ASMTL: variants seen among roughly 807,000 people sequenced by gnomAD.
ASMTL encodes the protein probable bifunctional dTTP/UTP pyrophosphatase/methyltransferase protein.
ASMTL carries 57 observed loss-of-function variants against 60.3 expected under a neutral mutation model. The ratio of observed to expected loss-of-function variants is 0.95; its 90% confidence interval spans 0.76 to 1.18. The LOEUF (loss-of-function observed/expected upper bound fraction) is 1.18. Among genes scored for constraint, ASMTL ranks in the 50% most tolerant of loss-of-function variants. The pLI, the probability that ASMTL is intolerant of heterozygous loss-of-function variation, is 0.00. For missense variants in ASMTL, 981 were observed against 852.6 expected (o/e 1.15, Z -1.88); for synonymous variants, 419 against 373.0 (o/e 1.12, Z -1.42).
intron 5 of ASMTL, among the ~76,000 whole-genome samples, chrX:1,433,437 G>A (rs1416957736): frequency 4.0e-5 from 6 of 150,722 alleles, no homozygotes; most frequent in East Asian, 3.9e-4. Context: ...AGGCCGAGGC[G>A]GGCGGATCAC....
In ASMTL at chrX:1,417,970, C is replaced by T. The variant is rs182970526; in HGVS notation, c.1522+3G>A. The T allele has an allele frequency of 1.2e-3, 1,907 of 1,605,452 alleles. 18 individuals carry two copies. The African/African-American group carries it at 0.022, about 19-fold the overall frequency. On this transcript the variant is annotated splice_donor_region_variant and intron_variant, in intron 11 of 12. Coordinates refer to ENST00000381317, the MANE Select transcript of ASMTL (RefSeq NM_004192.4). ...TAGCAGGGTGAACAGGAGGAGGGCT[C>T]ACCTGCTGCGAAGTGGATCTGCACT...
intron 10 of ASMTL, 60 bp downstream of exon 10, chrX:1,418,922 G>T: frequency 1.2e-6 from 2 of 1,605,798 alleles, no homozygotes; most frequent in Admixed American, 3.3e-5. Context: ...CCTGAGCAGG[G>T]AAGATACCTG....
At chrX:1,452,486 C>G (rs1408221587) in intron 1 of ASMTL, among the ~76,000 whole-genome samples, 1 of 151,110 alleles carries the variant, frequency 6.6e-6, no homozygotes, top group African/African-American at 2.4e-5. Flanking sequence ...ATCCCCTCCC[C>G]CATCCCTATG....
At chrX:1,411,402 G>C (rs1221589731) in intron 12 of ASMTL, among the ~76,000 whole-genome samples, 1 of 152,170 alleles carries the variant, frequency 6.6e-6, no homozygotes, top group African/African-American at 2.4e-5. Flanking sequence ...GGGAGGCTGA[G>C]TGCCCGTCAG....
chrX:1,417,012 C>G (rs1354031320), intron 11 of ASMTL, among the ~76,000 whole-genome samples: 1 of 93,978 alleles, frequency 1.1e-5, no homozygotes, highest in African/African-American at 3.4e-5. Flanking sequence ...CACACACAGA[C>G]TCAGAAACAC....
At chrX:1,408,055 A>G (rs776317752) in intron 12 of ASMTL, among the ~76,000 whole-genome samples, 1 of 151,500 alleles carries the variant, frequency 6.6e-6, no homozygotes, top group East Asian at 2.0e-4. Flanking sequence ...AAAAACCCTA[A>G]CAGGGCATGA....
chrX:1,417,425 CACAG>C (rs1388627281), intron 11 of ASMTL, among the ~76,000 whole-genome samples: 2 of 151,584 alleles, frequency 1.3e-5, no homozygotes, highest in Non-Finnish European at 2.9e-5. Flanking sequence ...CAGTCTCATG[CACAG>C]ACACACACAC....
chrX:1,411,310 G>A (rs1445529556), intron 12 of ASMTL, among the ~76,000 whole-genome samples: 1 of 152,204 alleles, frequency 6.6e-6, no homozygotes, highest in African/African-American at 2.4e-5. Context: ...CAGGTGCCAG[G>A]CCCTGGCTCT....
chrX:1,441,874 A>G, intron 2 of ASMTL: 1 of 341,134 alleles, frequency 2.9e-6, no homozygotes, highest in South Asian at 5.4e-5. Flanking sequence ...TACTGTATCA[A>G]TTGCGAGAAA....
In ASMTL at chrX:1,439,084, T is replaced by A. The variant is rs2091044349; in HGVS notation, c.273+13A>T. 1 of 1,613,786 alleles carries A rather than the reference T, an allele frequency of 6.2e-7. No individual in the cohort carries two copies. The highest frequency in any genetic ancestry group is 1.3e-5 in the African/African-American group (1 of 74,928). ...ATCGGACATTAGAAACGAGGCACCC[T>A]GGCCGCACTCACCACGATCGTGTCC... On this transcript the variant is annotated intron_variant, in intron 3 of 12. Transcript: ENST00000381317.
At chrX:1,437,633 C>G (rs1369593888) in intron 3 of ASMTL, among the ~76,000 whole-genome samples, 1 of 151,844 alleles carries the variant, frequency 6.6e-6, no homozygotes, top group East Asian at 1.9e-4. Flanking sequence ...CGTGGTGGCT[C>G]ACGCCTGTAA....
In ASMTL at chrX:1,403,355, GC is replaced by G. The variant is rs763503174; in HGVS notation, c.1779del (p.Leu593PhefsTer38). On this transcript the variant is annotated frameshift_variant, in exon 13 of 13. Coordinates refer to ENST00000381317, the MANE Select transcript of ASMTL (RefSeq NM_004192.4). LOFTEE classifies it low-confidence loss of function (END_TRUNC). ...ACCTGGTGGAAGCCGTGCAGCTCCAGCAAGCACTGATACTCGCCCAGGCTCC... is the reference window on the plus strand; with the variant it reads ...ACCTGGTGGAAGCCGTGCAGCTCCAGAAGCACTGATACTCGCCCAGGCTCC... ...KERSLGEYQC[L>X]LELHGFHQVQ... 2 of 1,613,428 alleles carry G rather than the reference GC, an allele frequency of 1.2e-6. No individual in the cohort carries two copies. Among genetic ancestry groups the G allele is most frequent in the East Asian group, 4.5e-5 (2 of 44,890 alleles).
intron 3 of ASMTL, among the ~76,000 whole-genome samples, chrX:1,437,217 C>A (rs1437390755): frequency 3.3e-5 from 5 of 152,072 alleles, no homozygotes; most frequent in Admixed American, 6.6e-5. Flanking sequence ...CCTCCTGAGG[C>A]CTCTCTCCTA....
chrX:1,429,858 A>G (rs1288785665), intron 6 of ASMTL, among the ~76,000 whole-genome samples: 1 of 152,040 alleles, frequency 6.6e-6, no homozygotes, highest in Non-Finnish European at 1.5e-5. Flanking sequence ...ACATCATTAA[A>G]TCAAGCCAAT....
At chrX:1,452,013 T>C (rs754423987) in intron 1 of ASMTL, among the ~76,000 whole-genome samples, 2 of 133,964 alleles carry the variant, frequency 1.5e-5, no homozygotes, top group Non-Finnish European at 3.2e-5. Flanking sequence ...GGTTACAGGT[T>C]ACTCTCTCCA....
At chrX:1,423,459 T>G (rs2090530362) in intron 8 of ASMTL, among the ~76,000 whole-genome samples, 1 of 152,074 alleles carries the variant, frequency 6.6e-6, no homozygotes, top group African/African-American at 2.4e-5. Context: ...CCCAGGCTAC[T>G]CAAGGACTTG....
chrX:1,430,494 G>C (rs1387947527), intron 6 of ASMTL, among the ~76,000 whole-genome samples: 1 of 152,058 alleles, frequency 6.6e-6, no homozygotes, highest in African/African-American at 2.4e-5. Context: ...AATCGGCCGC[G>C]TGTGTTGGTG....
rs200895375 is a variant in ASMTL at position 1,419,052 on chromosome X, C to T, written c.1308G>A (p.Thr436=). 2,854 of 1,611,474 alleles carry T rather than the reference C, an allele frequency of 1.8e-3. 8 individuals carry two copies. Among genetic ancestry groups the T allele is most frequent in the Non-Finnish European group, 2.1e-3 (2,496 of 1,179,624 alleles). The stretch of plus-strand genomic sequence containing the variant: ...TGGCCACCTGGCACGCAGTCAGCTT[C>T]GTCATGCCGTGCATGGCCCGCATGA... ...LRFMRAMHGM[T]KLTACQVATA... Residue 436 remains threonine, a synonymous_variant, in exon 10 of 13, where the codon ACG becomes ACA. Coordinates refer to ENST00000381317, the MANE Select transcript of ASMTL (RefSeq NM_004192.4).
chrX:1,404,769 A>G (rs1420028633), intron 12 of ASMTL, among the ~76,000 whole-genome samples: 1 of 147,388 alleles, frequency 6.8e-6, no homozygotes, highest in Non-Finnish European at 1.5e-5. Context: ...GGACAGGTAG[A>G]TAGATGAATG....
Sources: gnomAD v4.1 joint callset for allele counts (sites outside exome capture counted in the v4.1 genomes callset) on GRCh38, gnomAD v4.1.1 for gene constraint, MANE v1.5 for transcripts, NCBI Gene and HGNC (gene_info 2026-07-23, HGNC 2026-07-21) for gene names.